The following RNF220 variants were observed in gnomAD, a reference collection of about 807,000 sequenced individuals.
The protein encoded by RNF220 is E3 ubiquitin-protein ligase RNF220.
A neutral mutation model predicts 67.1 loss-of-function variants in RNF220; 7 were observed. The observed-to-expected ratio is 0.10, with a 90% CI of 0.06 to 0.20. The LOEUF is 0.20. Ranked by LOEUF, RNF220 falls within the 10% of genes least tolerant of loss-of-function variation. The pLI, the probability that RNF220 is intolerant of heterozygous loss-of-function variation, is 1.00. For synonymous variants in RNF220, 270 were observed against 283.2 expected, an observed-to-expected ratio of 0.95 and a Z score of 0.47; for missense variants, 565 against 740.3, an observed-to-expected ratio of 0.76 and a Z score of 2.75.
intron 2 of RNF220, among the ~76,000 whole-genome samples, chr1:44,502,953 G>T (rs1039414917): frequency 2.0e-5 from 3 of 151,894 alleles, no homozygotes; most frequent in African/African-American, 7.3e-5. Context: ...TTTTATTTTT[G>T]GAGAGATGGG....
At chr1:44,426,378 G>T (rs917154692) in intron 2 of RNF220, among the ~76,000 whole-genome samples, 8 of 152,226 alleles carry the variant, frequency 5.3e-5, no homozygotes, top group Non-Finnish European at 1.2e-4. Flanking sequence ...CCTTAGGCAA[G>T]ATCTTTAGAA....
At chr1:44,584,180 G>A (rs948635492) in intron 2 of RNF220, among the ~76,000 whole-genome samples, 2 of 152,202 alleles carry the variant, frequency 1.3e-5, no homozygotes, top group African/African-American at 4.8e-5. Flanking sequence ...CTAGCCAGAG[G>A]GTTACAGGAA....
intron 1 of RNF220, among the ~76,000 whole-genome samples, chr1:44,408,374 C>T (rs986764614): frequency 6.6e-6 from 1 of 152,198 alleles, no homozygotes; most frequent in Non-Finnish European, 1.5e-5. Context: ...GGCCCTAGCC[C>T]GGGAACTGTG....
chr1:44,429,883 T>C (rs1436186151), intron 2 of RNF220, among the ~76,000 whole-genome samples: 1 of 152,172 alleles, frequency 6.6e-6, no homozygotes, highest in African/African-American at 2.4e-5. Flanking sequence ...CCTGCATATA[T>C]TGGGTTAAGT....
chr1:44,409,804 T>C (rs1195661337), intron 1 of RNF220, among the ~76,000 whole-genome samples: 1 of 152,184 alleles, frequency 6.6e-6, no homozygotes. Context: ...GTGTATTAAC[T>C]ATAGATTTTC....
intron 2 of RNF220, among the ~76,000 whole-genome samples, chr1:44,432,217 C>G (rs1444604770): frequency 6.6e-6 from 1 of 152,140 alleles, no homozygotes. Context: ...GATCCTGCTA[C>G]TCTGTAGAGG....
At chr1:44,437,770 AT>A (rs552432782) in intron 2 of RNF220, among the ~76,000 whole-genome samples, 224 of 152,342 alleles carry the variant, frequency 1.5e-3, no homozygotes, top group African/African-American at 5.1e-3. Context: ...ATGATCTGCA[AT>A]GTCCTTTTCA....
At chr1:44,603,186 G>A (rs573797938) in intron 2 of RNF220, among the ~76,000 whole-genome samples, 2 of 152,320 alleles carry the variant, frequency 1.3e-5, no homozygotes, top group Non-Finnish European at 2.9e-5. Context: ...TTTCCTTATC[G>A]GCGTATTATT....
intron 2 of RNF220, among the ~76,000 whole-genome samples, chr1:44,499,791 G>A (rs1212682811): frequency 6.6e-6 from 1 of 152,136 alleles, no homozygotes; most frequent in Admixed American, 6.5e-5. Context: ...CAGCTCAAAT[G>A]TTAAGTCCAA....
intron 2 of RNF220, among the ~76,000 whole-genome samples, chr1:44,443,948 G>T (rs191772613): frequency 2.0e-5 from 3 of 152,112 alleles, no homozygotes; most frequent in Non-Finnish European, 2.9e-5. Flanking sequence ...AAAATTAGCC[G>T]AACATGTTGG....
At chr1:44,430,162 C>G (rs1297273523) in intron 2 of RNF220, among the ~76,000 whole-genome samples, 1 of 151,494 alleles carries the variant, frequency 6.6e-6, no homozygotes, top group Non-Finnish European at 1.5e-5. Flanking sequence ...ACATATGAAA[C>G]TGTTAATGCT....
Position 44,642,865 on chromosome 1 carries a change from T to G in RNF220, c.1127-1833T>G, listed in dbSNP as rs566085240. On this transcript the variant is annotated intron_variant, in intron 8 of 14. Transcript: ENST00000361799. ...GCTGCGTGTACTTGGGGAAGGGGGG[T>G]TGGCAGGACTTGGGTGCCGCAAGCT... 4.6e-4 allele frequency among the ~76,000 whole-genome samples: 70 copies of G among 152,024 alleles called. 1 individual carries two copies. The highest frequency in any genetic ancestry group is 9.3e-4 in the Non-Finnish European group (63 of 67,954).
chr1:44,439,815 G>A (rs1485064617), intron 2 of RNF220, among the ~76,000 whole-genome samples: 1 of 152,172 alleles, frequency 6.6e-6, no homozygotes, highest in Admixed American at 6.5e-5. Context: ...AAGATGAGAG[G>A]TACCAAGACC....
At chr1:44,575,585 C>G (rs1424057506) in intron 2 of RNF220, among the ~76,000 whole-genome samples, 1 of 152,098 alleles carries the variant, frequency 6.6e-6, no homozygotes, top group Admixed American at 6.5e-5. Context: ...AAATGCAAAC[C>G]AAAACCACAA....
intron 3 of RNF220, among the ~76,000 whole-genome samples, chr1:44,619,913 G>GT (rs1643723299): frequency 6.6e-6 from 1 of 152,176 alleles, no homozygotes; most frequent in South Asian, 2.1e-4. Context: ...GTCTCAGGTA[G>GT]TACCAATGCA....
intron 1 of RNF220, among the ~76,000 whole-genome samples, chr1:44,406,371 C>G (rs1647332909): frequency 6.6e-6 from 1 of 152,194 alleles, no homozygotes; most frequent in Non-Finnish European, 1.5e-5. Context: ...TAGAGTAGCC[C>G]GACACGTGGG....
intron 2 of RNF220, among the ~76,000 whole-genome samples, chr1:44,428,788 C>G (rs1650052776): frequency 1.3e-5 from 2 of 152,038 alleles, no homozygotes; most frequent in Non-Finnish European, 2.9e-5. Context: ...TTGACTTCCT[C>G]TGCGTCTTAG....
intron 2 of RNF220, among the ~76,000 whole-genome samples, chr1:44,613,593 AAAAT>A (rs1229472806): frequency 3.9e-5 from 6 of 152,230 alleles, no homozygotes; most frequent in African/African-American, 1.2e-4. Flanking sequence ...CTCTATAAAA[AAAAT>A]AAATAAATAA....
chr1:44,432,554 G>A (rs534470779), intron 2 of RNF220, among the ~76,000 whole-genome samples: 9 of 148,914 alleles, frequency 6.0e-5, no homozygotes, highest in Middle Eastern at 3.8e-3. Context: ...ACAAACGTGA[G>A]CCACCATGCC....
Sources: gnomAD v4.1 joint callset for allele counts (sites outside exome capture counted in the v4.1 genomes callset) on GRCh38, gnomAD v4.1.1 for gene constraint, MANE v1.5 for transcripts, NCBI Gene and HGNC (gene_info 2026-07-23, HGNC 2026-07-21) for gene names.